Variants in ROBO1 observed in about 807,000 individuals in gnomAD.
The protein encoded by ROBO1 is roundabout homolog 1.
ROBO1 carries 149 observed loss-of-function variants against 195.9 expected under a neutral mutation model. The ratio of observed to expected loss-of-function variants is 0.76; its 90% CI spans 0.67 to 0.87. The LOEUF (loss-of-function observed/expected upper bound fraction) is 0.87. ROBO1 is among the 40% of genes least tolerant of loss of function. The pLI is 0.00. For synonymous variants in ROBO1, 816 were observed against 733.2 expected, an observed-to-expected ratio of 1.11 and a Z score of -1.82; for missense variants, 1,933 against 2,068.3, an observed-to-expected ratio of 0.93 and a Z score of 1.27.
In ROBO1 at chr3:79,295,723, TTTTG is replaced by T. The variant is rs1408906461; in HGVS notation, c.89-170188_89-170185del. Among the ~76,000 whole-genome samples the T allele has an allele frequency of 2.6e-5, 4 of 152,218 alleles. No homozygotes were observed. In the South Asian group the frequency reaches 8.3e-4, roughly 31 times the overall value. On this transcript the variant is annotated intron_variant, in intron 2 of 30. Transcript: ENST00000464233. The stretch of plus-strand genomic sequence containing the variant: ...CATACCCATGAAGTTTTTGTGCTTA[TTTTG>T]TTTCAGTGTTACATAGTTATTATTT...
intron 2 of ROBO1, among the ~76,000 whole-genome samples, chr3:79,504,153 T>G (rs1575931242): frequency 6.6e-6 from 1 of 152,154 alleles, no homozygotes; most frequent in Non-Finnish European, 1.5e-5. Flanking sequence ...ATACTATATG[T>G]AGCATTGGTT....
At chr3:78,615,418 C>T (rs1182189641) in intron 27 of ROBO1, among the ~76,000 whole-genome samples, 8 of 152,088 alleles carry the variant, frequency 5.3e-5, no homozygotes, top group Non-Finnish European at 2.9e-5. Context: ...TAACGTGATC[C>T]CTCCAAGACT....
intron 2 of ROBO1, among the ~76,000 whole-genome samples, chr3:79,305,783 AT>A (rs1468349206): frequency 6.6e-6 from 1 of 152,190 alleles, no homozygotes; most frequent in Non-Finnish European, 1.5e-5. Flanking sequence ...CTGTTCTACT[AT>A]TACTGTGGAT....
At chr3:79,753,198 A>G (rs62257322) in intron 1 of ROBO1, among the ~76,000 whole-genome samples, 58,310 of 151,920 alleles carry the variant, frequency 0.38, 11,442 homozygotes, top group East Asian at 0.44. Context: ...TATTCAAACC[A>G]CCTAAATTAC....
Position 79,679,784 on chromosome 3 carries a change from A to G in ROBO1, c.-51+87968T>C, listed in dbSNP as rs190671884. The stretch of plus-strand genomic sequence containing the variant: ...TACAAATGTGAGAAAAAGGAAAAAA[A>G]GAAAGAATCAGGATGACAAATATAT... On this transcript the variant is annotated intron_variant, in intron 1 of 30. Transcript: ENST00000464233. 4.5e-3 allele frequency among the ~76,000 whole-genome samples: 679 copies of G among 152,114 alleles called. 3 individuals are homozygous for G. The highest frequency in any genetic ancestry group is 0.015 in the African/African-American group (626 of 41,538).
Position 78,809,463 on chromosome 3 carries a change from C to T in ROBO1, c.500-62563G>A, listed in dbSNP as rs1160472526. On this transcript the variant is annotated intron_variant, in intron 4 of 30. Coordinates refer to ENST00000464233, the MANE Select transcript of ROBO1 (RefSeq NM_002941.4). ...CTCAAGGATCTAGAACCAGAAATAC[C>T]ATTTGACCCAGCAATCCCATTACTG... Among the ~76,000 whole-genome samples, 4 of 152,120 alleles carry T rather than the reference C, an allele frequency of 2.6e-5. No individual in the cohort carries two copies. The South Asian group carries it at 8.3e-4, about 31-fold the overall frequency.
intron 2 of ROBO1, among the ~76,000 whole-genome samples, chr3:79,318,493 GC>G (rs1319728533): frequency 2.0e-5 from 3 of 152,130 alleles, no homozygotes; most frequent in Non-Finnish European, 4.4e-5. Context: ...GGAAAGTACA[GC>G]ATTCAGTTTA....
chr3:79,697,490 A>G (rs1947481633), intron 1 of ROBO1, among the ~76,000 whole-genome samples: 1 of 151,516 alleles, frequency 6.6e-6, no homozygotes, highest in South Asian at 2.1e-4. Context: ...GCAGAAGGGA[A>G]GAATAAATAT....
intron 2 of ROBO1, among the ~76,000 whole-genome samples, chr3:79,195,327 C>T (rs934063309): frequency 4.0e-5 from 6 of 151,576 alleles, no homozygotes; most frequent in Non-Finnish European, 5.9e-5. Context: ...TATGATTTTA[C>T]AATTCCTGTT....
At chr3:79,244,654 G>C (rs961068594) in intron 2 of ROBO1, among the ~76,000 whole-genome samples, 4 of 152,134 alleles carry the variant, frequency 2.6e-5, no homozygotes, top group Admixed American at 6.6e-5. Flanking sequence ...TAGGAGACAG[G>C]CATGTTTAGA....
At chr3:79,427,188 G>A (rs564378975) in intron 2 of ROBO1, among the ~76,000 whole-genome samples, 1 of 152,126 alleles carries the variant, frequency 6.6e-6, no homozygotes, top group African/African-American at 2.4e-5. Flanking sequence ...TCTCTGATTC[G>A]AATAGGGATT....
intron 3 of ROBO1, among the ~76,000 whole-genome samples, chr3:79,057,035 TA>T (rs2078823315): frequency 6.6e-6 from 1 of 152,102 alleles, no homozygotes; most frequent in African/African-American, 2.4e-5. Flanking sequence ...TGGCTGATTT[TA>T]TTGGCATTTT....
At chr3:79,240,207 A>G (rs1186295282) in intron 2 of ROBO1, among the ~76,000 whole-genome samples, 1 of 152,208 alleles carries the variant, frequency 6.6e-6, no homozygotes, top group East Asian at 1.9e-4. Flanking sequence ...GATTCCACAT[A>G]AAAGTAAAAT....
intron 2 of ROBO1, among the ~76,000 whole-genome samples, chr3:79,575,759 G>A (rs1943465574): frequency 6.6e-6 from 1 of 151,252 alleles, no homozygotes; most frequent in Non-Finnish European, 1.5e-5. Flanking sequence ...ATATTTAAGT[G>A]TTTTAACATA....
rs1158213253 is a variant in ROBO1 at position 79,484,755 on chromosome 3, C to CTTTT, written c.88+105065_88+105068dup. Among the ~76,000 whole-genome samples, 41 of 66,880 alleles carry CTTTT rather than the reference C, an allele frequency of 6.1e-4. 6 individuals are homozygous for CTTTT. The highest frequency in any genetic ancestry group is 1.5e-3 in the African/African-American group (26 of 17,736). 43.9% of individuals were successfully genotyped at this position (66,880 alleles called of 152,430 possible). On this transcript the variant is annotated intron_variant, in intron 2 of 30. Coordinates refer to ENST00000464233, the MANE Select transcript of ROBO1 (RefSeq NM_002941.4). ...TTATACACCACTATCATTGCACTATCTTTTTTTTTTTTTTTTTGAGACAGA... is the reference window on the plus strand; with the variant it reads ...TTATACACCACTATCATTGCACTATCTTTTTTTTTTTTTTTTTTTTTGAGACAGA...
chr3:79,541,827 G>A (rs561739361), intron 2 of ROBO1, among the ~76,000 whole-genome samples: 1,610 of 146,006 alleles, frequency 0.011, 30 homozygotes, highest in African/African-American at 0.038. Flanking sequence ...GTGTGTGTGT[G>A]TGTATATATA....
intron 4 of ROBO1, among the ~76,000 whole-genome samples, chr3:78,749,353 C>G (rs1431826393): frequency 6.6e-6 from 1 of 151,994 alleles, no homozygotes; most frequent in African/African-American, 2.4e-5. Flanking sequence ...AGGTCTAAGT[C>G]AGATAAATCA....
At chr3:79,267,181 T>G (rs943745120) in intron 2 of ROBO1, among the ~76,000 whole-genome samples, 1 of 151,512 alleles carries the variant, frequency 6.6e-6, no homozygotes, top group Non-Finnish European at 1.5e-5. Context: ...CCATCTTCAT[T>G]AAAACTTCCA....
chr3:79,754,922 G>A (rs1037033280), intron 1 of ROBO1, among the ~76,000 whole-genome samples: 10 of 151,752 alleles, frequency 6.6e-5, no homozygotes, highest in African/African-American at 2.4e-4. Flanking sequence ...CTCTTGTTGC[G>A]CAGGCTGGAG....
Sources: gnomAD v4.1 joint callset for allele counts (sites outside exome capture counted in the v4.1 genomes callset) on GRCh38, gnomAD v4.1.1 for gene constraint, MANE v1.5 for transcripts, NCBI Gene and HGNC (gene_info 2026-07-23, HGNC 2026-07-21) for gene names.